GABRA4: variants seen among roughly 807,000 people sequenced by gnomAD.
The protein encoded by GABRA4 is gamma-aminobutyric acid type A receptor subunit alpha4.
GABRA4 carries 12 observed loss-of-function variants against 49.7 expected under a neutral mutation model. The ratio of observed to expected loss-of-function variants is 0.24; its 90% CI spans 0.15 to 0.39. The LOEUF (loss-of-function observed/expected upper bound fraction) is 0.39, where lower values mean the gene tolerates loss of function less well. Ranked by LOEUF, GABRA4 falls within the 10% of genes least tolerant of loss-of-function variation. The probability of loss-of-function intolerance (pLI) is 1.00; values close to 1 mark genes in which losing one functional copy is unlikely to be tolerated. For missense variants in GABRA4, 506 were observed against 686.0 expected, an observed-to-expected ratio of 0.74 and a Z score of 2.93; for synonymous variants, 288 against 240.2, an observed-to-expected ratio of 1.20 and a Z score of -1.84.
Position 46,992,827 on chromosome 4 carries a change from C to A in GABRA4, c.205+1G>T. On this transcript the variant is annotated splice_donor_variant, in intron 2 of 8. Transcript: ENST00000264318. LOFTEE classifies it high-confidence loss of function. ...ACTTGCGCGTTTGAAATCGTTCATA[C>A]CCCCAAATCCAGGACGCAGCCTGTT... is the stretch of plus-strand genomic sequence containing the variant. 1 of 1,609,894 alleles carries A rather than the reference C, an allele frequency of 6.2e-7. No homozygotes were observed. The highest frequency in any genetic ancestry group is 8.5e-7 in the Non-Finnish European group (1 of 1,176,220).
rs545379260 is a variant in GABRA4 at position 46,980,591 on chromosome 4, A to T, written c.206-1493T>A. On this transcript the variant is annotated intron_variant, in intron 2 of 8. Coordinates refer to ENST00000264318, the MANE Select transcript of GABRA4 (RefSeq NM_000809.4). ...GCAGTATAGTAAGAGAAAAAGTCTG[A>T]ATCAGGCTTAGCTAACATGAGATTT... 9.2e-5 allele frequency among the ~76,000 whole-genome samples: 14 copies of T among 152,236 alleles called. No homozygotes were observed. In the South Asian group the frequency reaches 2.7e-3, roughly 29 times the overall value.
At chr4:46,945,854 A>G (rs1175799076) in intron 8 of GABRA4, among the ~76,000 whole-genome samples, 1 of 152,138 alleles carries the variant, frequency 6.6e-6, no homozygotes, top group African/African-American at 2.4e-5. Flanking sequence ...CTCCCTCAAA[A>G]TCATTCCTTA....
rs1389158263 is a variant in GABRA4, at chr4:46,926,756, T to C, written c.*1469A>G. On this transcript the variant is annotated 3_prime_UTR_variant, in exon 9 of 9. Coordinates refer to ENST00000264318, the MANE Select transcript of GABRA4 (RefSeq NM_000809.4). ...ACTTAGATTCAGCTGCATAGACAGT[T>C]GCAAAATTCTCAAGTAAGTTGTTAA... 1 of 151,894 alleles carries C rather than the reference T, an allele frequency of 6.6e-6. No individual in the cohort carries two copies. The highest frequency in any genetic ancestry group is 1.5e-5 in the Non-Finnish European group (1 of 67,904). The allele number at this position is 151,894 out of a possible 1,614,324, so 9.4% of individuals were successfully genotyped here.
intron 2 of GABRA4, among the ~76,000 whole-genome samples, chr4:46,982,358 C>G (rs1723384723): frequency 6.6e-6 from 1 of 151,878 alleles, no homozygotes; most frequent in Non-Finnish European, 1.5e-5. Flanking sequence ...GTGACCATAT[C>G]AGAAGTGTAG....
intron 8 of GABRA4, among the ~76,000 whole-genome samples, chr4:46,951,854 A>T (rs1722185771): frequency 6.6e-6 from 1 of 151,710 alleles, no homozygotes; most frequent in South Asian, 2.1e-4. Context: ...CTTGATATCC[A>T]CATTAAACTG....
In GABRA4 at chr4:46,921,915, T is replaced by G. The variant is rs1364933089; in HGVS notation, c.*6310A>C. On this transcript the variant is annotated 3_prime_UTR_variant, in exon 9 of 9. Transcript: ENST00000264318. ...AAAGGAAATTGACTGGCATATATCT[T>G]GGGCAGGATGTAGATTTCAATAAGT... 7.2e-5 allele frequency: 11 copies of G among 152,110 alleles called. No individual in the cohort carries two copies. Among genetic ancestry groups the G allele is most frequent in the Admixed American group, 7.2e-4 (11 of 15,252 alleles). The allele number at this position is 152,110 out of a possible 1,614,324, so 9.4% of individuals were successfully genotyped here.
At chr4:46,954,280 G>A (rs1722266971) in intron 8 of GABRA4, among the ~76,000 whole-genome samples, 1 of 152,044 alleles carries the variant, frequency 6.6e-6, no homozygotes, top group Admixed American at 6.6e-5. Flanking sequence ...TAAAGAGCCG[G>A]GCACAGTGGC....
At chr4:46,978,792 T>C (rs1577789853) in intron 3 of GABRA4, among the ~76,000 whole-genome samples, 1 of 146,570 alleles carries the variant, frequency 6.8e-6, no homozygotes, top group Admixed American at 6.9e-5. Context: ...GAACCAGTAA[T>C]AGGAAAGTTC....
intron 8 of GABRA4, among the ~76,000 whole-genome samples, chr4:46,960,514 C>T (rs953721998): frequency 2.0e-5 from 3 of 151,622 alleles, no homozygotes; most frequent in Non-Finnish European, 4.4e-5. Flanking sequence ...GTTAAAATAT[C>T]TGTAACATTC....
chr4:46,990,117 GAAACAAAC>G (rs901544153), intron 2 of GABRA4, among the ~76,000 whole-genome samples: 2 of 150,848 alleles, frequency 1.3e-5, no homozygotes, highest in African/African-American at 2.4e-5. Flanking sequence ...GCAAAGCCAA[GAAACAAAC>G]AAACAAACAA....
chr4:46,937,299 T>G (rs1439807562), intron 8 of GABRA4, among the ~76,000 whole-genome samples: 1 of 152,206 alleles, frequency 6.6e-6, no homozygotes, highest in Non-Finnish European at 1.5e-5. Context: ...CCTCCAGAAC[T>G]GTGAGAAATA....
At chr4:46,991,477 G>A (rs1004775840) in intron 2 of GABRA4, among the ~76,000 whole-genome samples, 3 of 152,028 alleles carry the variant, frequency 2.0e-5, no homozygotes, top group Non-Finnish European at 2.9e-5. Context: ...CTAGCCCCAG[G>A]CCATACTCCT....
chr4:46,937,963 A>T (rs960501599), intron 8 of GABRA4, among the ~76,000 whole-genome samples: 1 of 152,242 alleles, frequency 6.6e-6, no homozygotes, highest in Admixed American at 6.5e-5. Flanking sequence ...TTCTGTGTGT[A>T]TGTGTGCAAG....
chr4:46,991,826 C>T (rs1723756752), intron 2 of GABRA4, among the ~76,000 whole-genome samples: 1 of 152,176 alleles, frequency 6.6e-6, no homozygotes, highest in African/African-American at 2.4e-5. Flanking sequence ...TATATGTGAA[C>T]ATTTAATTAA....
intron 8 of GABRA4, among the ~76,000 whole-genome samples, chr4:46,951,098 T>C (rs1286355574): frequency 2.0e-5 from 3 of 151,994 alleles, no homozygotes; most frequent in Non-Finnish European, 4.4e-5. Flanking sequence ...GAATAGCACT[T>C]GCTTCATATG....
intron 2 of GABRA4, 114 bp downstream of exon 2, chr4:46,992,714 A>T (rs1288763747): frequency 1.3e-6 from 1 of 792,896 alleles, no homozygotes; most frequent in Non-Finnish European, 2.2e-6. Flanking sequence ...AGAAAGAGAG[A>T]GAGATTTATT....
chr4:46,980,060 A>G (rs1305897607), intron 2 of GABRA4, among the ~76,000 whole-genome samples: 1 of 152,098 alleles, frequency 6.6e-6, no homozygotes, highest in Non-Finnish European at 1.5e-5. Flanking sequence ...TAGTAATATC[A>G]TCTTCAAGTC....
In GABRA4 at chr4:46,922,154, A is replaced by C. The variant is rs536359956; in HGVS notation, c.*6071T>G. ...TGAATAATATAGAATACTAAGGCTAATGTGGGGAAGGGGGTGGGACTACAA... is the reference window on the plus strand; with the variant it reads ...TGAATAATATAGAATACTAAGGCTACTGTGGGGAAGGGGGTGGGACTACAA... On this transcript the variant is annotated 3_prime_UTR_variant, in exon 9 of 9. Transcript: ENST00000264318. 1 of 152,252 alleles carries C rather than the reference A, an allele frequency of 6.6e-6. No individual in the cohort carries two copies. Among genetic ancestry groups the C allele is most frequent in the South Asian group, 2.1e-4 (1 of 4,826 alleles). The allele number at this position is 152,252 out of a possible 1,614,324, so 9.4% of individuals were successfully genotyped here. A position where few individuals can be genotyped will look rare whatever the true frequency, so the allele number is the denominator to read the frequency against.
rs952136053 is a variant in GABRA4, at chr4:46,977,050, T to G, written c.577+11A>C. ...ATCATAAATTCTAGCAAAATTTTTA[T>G]TATAACTTACAACTCCCGAATTTCA... is the stretch of plus-strand genomic sequence containing the variant. On this transcript the variant is annotated intron_variant, in intron 5 of 8. Transcript: ENST00000264318. 1.2e-5 allele frequency: 18 copies of G among 1,563,700 alleles called. No individual in the cohort carries two copies. The highest frequency in any genetic ancestry group is 1.6e-5 in the Non-Finnish European group (18 of 1,137,910).
Sources: gnomAD v4.1 joint callset for allele counts (sites outside exome capture counted in the v4.1 genomes callset) on GRCh38, gnomAD v4.1.1 for gene constraint, MANE v1.5 for transcripts, NCBI Gene and HGNC (gene_info 2026-07-23, HGNC 2026-07-21) for gene names.